The following NUMBL variants were observed in gnomAD, a reference collection of about 807,000 sequenced individuals.
NUMBL encodes numb-like protein.
A neutral mutation model predicts 48.9 loss-of-function variants in NUMBL; 20 were observed. The ratio of observed to expected loss-of-function variants is 0.41; its 90% CI spans 0.29 to 0.59. The LOEUF is 0.59. NUMBL is among the 20% of genes least tolerant of loss of function. The pLI, the probability that NUMBL is intolerant of heterozygous loss-of-function variation, is 0.31. For synonymous variants in NUMBL, 340 were observed against 348.7 expected, an observed-to-expected ratio of 0.98 and a Z score of 0.28; for missense variants, 660 against 846.2, an observed-to-expected ratio of 0.78 and a Z score of 2.73.
intron 8 of NUMBL, among the ~76,000 whole-genome samples, chr19:40,672,968 C>T (rs2081855784): frequency 6.6e-6 from 1 of 152,204 alleles, no homozygotes; most frequent in African/African-American, 2.4e-5. Context: ...TCTCTTCTTT[C>T]CCTGGCCCAT....
chr19:40,681,975 C>T (rs2081907663), intron 5 of NUMBL, among the ~76,000 whole-genome samples: 1 of 150,988 alleles, frequency 6.6e-6, no homozygotes, highest in Non-Finnish European at 1.5e-5. Flanking sequence ...GCCCAGCCCA[C>T]ATTTAAATTT....
rs543033874 is a variant in NUMBL, at chr19:40,673,992, C to A, written c.731-343G>T. 1.3e-5 allele frequency among the ~76,000 whole-genome samples: 2 copies of A among 152,146 alleles called. No individual in the cohort carries two copies. Among genetic ancestry groups the A allele is most frequent in the African/African-American group, 4.8e-5 (2 of 41,416 alleles). ...AAACACTGATTTGGTGCTGGAACAA[C>A]GTATCAGGCATTGTTCCAGATGCTT... On this transcript the variant is annotated intron_variant, in intron 7 of 9. Transcript: ENST00000252891. The surrounding 1 kb of genome is among the most constrained non-coding windows in gnomAD (Gnocchi z 5.9).
In NUMBL at chr19:40,684,528, C is replaced by A. The variant is rs1379303860; in HGVS notation, c.138G>T (p.Arg46=). The change falls in exon 3 of 10, where the codon CGG becomes CGT. Residue 46 remains arginine (R), a synonymous_variant. Coordinates refer to ENST00000252891, the MANE Select transcript of NUMBL (RefSeq NM_004756.5). Reference sequence around the variant, plus strand: ...CTGGCTTCCTCCGCCGCAGGCTCTGCCGTAACTTGTTCATGGTGCCCGCCC... The same window carrying A: ...CTGGCTTCCTCCGCCGCAGGCTCTGACGTAACTTGTTCATGGTGCCCGCCC... The part of the protein sequence containing the change: ...PDGAGTMNKL[R]QSLRRRKPAY... 1 of 1,609,560 alleles carries A rather than the reference C, an allele frequency of 6.2e-7. No homozygotes were observed. Among genetic ancestry groups the A allele is most frequent in the Non-Finnish European group, 8.5e-7 (1 of 1,177,946 alleles).
intron 7 of NUMBL, among the ~76,000 whole-genome samples, chr19:40,676,917 C>T (rs557947165): frequency 3.9e-5 from 6 of 152,034 alleles, no homozygotes; most frequent in Admixed American, 3.3e-4. Context: ...AGGGTTCCAG[C>T]GATCCTCCTG....
At chr19:40,680,802 A>T in intron 6 of NUMBL, 115 bp downstream of exon 6, 1 of 1,174,560 alleles carries the variant, frequency 8.5e-7, no homozygotes, top group South Asian at 1.4e-5. Context: ...TCTCCAGATG[A>T]GGAAACTGGG....
In NUMBL at chr19:40,682,638, G is replaced by A. The variant is rs895729733; in HGVS notation, c.399+90C>T. 3.4e-6 allele frequency: 4 copies of A among 1,192,148 alleles called. No individual in the cohort carries two copies. The highest frequency in any genetic ancestry group is 3.7e-6 in the Non-Finnish European group (3 of 820,204). The allele number at this position is 1,192,148 out of a possible 1,614,324, so 73.8% of individuals were successfully genotyped here. On this transcript the variant is annotated intron_variant, in intron 5 of 9. Transcript: ENST00000252891. This position sits in a 1 kb window ranked among gnomAD's most constrained non-coding sequence, Gnocchi z 4.0. Reference sequence around the variant, plus strand: ...TCTAGAAGGTCCCTGAGGGAGGGATGTGCAGAGGAGGCGGGAAGGTGTCCT... The same window carrying A: ...TCTAGAAGGTCCCTGAGGGAGGGATATGCAGAGGAGGCGGGAAGGTGTCCT...
chr19:40,668,282 C>T lies in NUMBL; in HGVS notation c.1160-144G>A, dbSNP rs1008886940. The T allele has an allele frequency of 3.7e-5, 52 of 1,387,778 alleles. No homozygotes were observed. In the African/African-American group the frequency reaches 3.8e-4, roughly 10 times the overall value. 86.0% of individuals were successfully genotyped at this position (1,387,778 alleles called of 1,614,324 possible). A position where few individuals can be genotyped will look rare whatever the true frequency, so the allele number is the denominator to read the frequency against. On this transcript the variant is annotated intron_variant, in intron 9 of 9. Transcript: ENST00000252891. ...CTCTGAATCCCAGCTCTGCACCTCC[C>T]GAGCTTGCTGACTTCAGGCGAGTGA... is the stretch of plus-strand genomic sequence containing the variant.
intron 6 of NUMBL, among the ~76,000 whole-genome samples, chr19:40,677,745 G>A (rs2081884952): frequency 6.6e-6 from 1 of 152,184 alleles, no homozygotes; most frequent in Admixed American, 6.6e-5. Context: ...CACTTTGGGA[G>A]GCTGAGGCGG....
Position 40,687,046 on chromosome 19 carries a change from A to C in NUMBL, c.25-51T>G. 1.7e-6 allele frequency: 2 copies of C among 1,143,638 alleles called. No homozygotes were observed. Among genetic ancestry groups the C allele is most frequent in the Non-Finnish European group, 2.4e-6 (2 of 827,190 alleles). The allele number at this position is 1,143,638 out of a possible 1,614,324, so 70.8% of individuals were successfully genotyped here. On this transcript the variant is annotated intron_variant, in intron 1 of 9. Transcript: ENST00000252891. The surrounding 1 kb of genome is among the most constrained non-coding windows in gnomAD (Gnocchi z 4.6). ...GAGAAGTTTGTCTGGGTTGGGGCTC[A>C]GTCTGATACTTCACCCCGACTTTGG...
At position 40,682,720 on chromosome 19, in the gene NUMBL, C is replaced by G. The variant is rs574942270; in HGVS notation, c.399+8G>C. The G allele has an allele frequency of 1.9e-6, 3 of 1,613,626 alleles. No homozygotes were observed. Among genetic ancestry groups the G allele is most frequent in the African/African-American group, 2.7e-5 (2 of 74,926 alleles). ...GCCCCCTGGCGTCCACCCCCACAGG[C>G]CTCCTACCTTGGTTTTGTCGTCCAC... On this transcript the variant is annotated splice_region_variant and intron_variant, in intron 5 of 9. Transcript: ENST00000252891. The surrounding 1 kb of genome is among the most constrained non-coding windows in gnomAD (Gnocchi z 4.0).
rs1555753701 is a variant in NUMBL, at chr19:40,682,988, G to GC, written c.250-21_250-20insG. The GC allele has an allele frequency of 1.9e-6, 3 of 1,608,534 alleles. No homozygotes were observed. The African/African-American group carries it at 4.0e-5, about 22-fold the overall frequency. ...CAGGTACTTGGGTTGGAGGGAATGGGGGGGGGGACATGAAACAGCACAGTA... is the reference window on the plus strand; with the variant it reads ...CAGGTACTTGGGTTGGAGGGAATGGGCGGGGGGGACATGAAACAGCACAGTA... On this transcript the variant is annotated intron_variant, in intron 3 of 9. Transcript: ENST00000252891. This position sits in a 1 kb window ranked among gnomAD's most constrained non-coding sequence, Gnocchi z 4.0.
At chr19:40,679,665 C>T (rs921053629) in intron 6 of NUMBL, among the ~76,000 whole-genome samples, 4 of 151,980 alleles carry the variant, frequency 2.6e-5, no homozygotes, top group Admixed American at 1.3e-4. Flanking sequence ...GTAACAAGAG[C>T]GAAACTCTGT....
rs1265772053 is a variant in NUMBL, at chr19:40,686,785, G to A, written c.109+126C>T. 10 of 657,800 alleles carry A rather than the reference G, an allele frequency of 1.5e-5. No homozygotes were observed. The East Asian group carries it at 2.6e-4, about 17-fold the overall frequency. The allele number at this position is 657,800 out of a possible 1,614,324, so 40.7% of individuals were successfully genotyped here. On this transcript the variant is annotated intron_variant, in intron 2 of 9. Coordinates refer to ENST00000252891, the MANE Select transcript of NUMBL (RefSeq NM_004756.5). ...TGGGGCTCTGACAGTCGCTGAGGAA[G>A]ATGCCTGAGGGTGTCCACTCATGAG...
chr19:40,674,782 G>A (rs2561547), intron 7 of NUMBL, among the ~76,000 whole-genome samples: 107,247 of 152,032 alleles, frequency 0.71, 39,427 homozygotes, highest in African/African-American at 0.93. Flanking sequence ...AAACATCTCA[G>A]TGCTACCTCC....
At chr19:40,668,221 G>T (rs2081827169) in intron 9 of NUMBL, 83 bp from the exon 10 acceptor site, 1 of 1,480,276 alleles carries the variant, frequency 6.8e-7, no homozygotes, top group East Asian at 2.4e-5. Flanking sequence ...CATGGTGTGG[G>T]GATCAGAGCA....
chr19:40,684,199 G>C, intron 3 of NUMBL: 1 of 512,334 alleles, frequency 2.0e-6, no homozygotes. Context: ...CTCCCCAGTA[G>C]CTGGGACTAC....
rs778065325 is a variant in NUMBL at position 40,667,421 on chromosome 19, C to CA, written c.*46dup. On this transcript the variant is annotated 3_prime_UTR_variant, in exon 10 of 10. Coordinates refer to ENST00000252891, the MANE Select transcript of NUMBL (RefSeq NM_004756.5). This position sits in a 1 kb window ranked among gnomAD's most constrained non-coding sequence, Gnocchi z 6.1. ...AGGGGAGAGGTTGTGCCTCCACCCC[C>CA]AGGCGTGGGGCACCTGGAGATGATG... 6.3e-7 allele frequency: 1 copy of CA among 1,584,374 alleles called. No homozygotes were observed. The highest frequency in any genetic ancestry group is 1.2e-5 in the South Asian group (1 of 86,844).
rs777753222 is a variant in NUMBL, at chr19:40,668,110, C to T, written c.1188G>A (p.Val396=). The T allele has an allele frequency of 2.5e-6, 4 of 1,602,648 alleles. No individual in the cohort carries two copies. The highest frequency in any genetic ancestry group is 3.4e-6 in the Non-Finnish European group (4 of 1,174,838). Residue 396 remains valine (V), a synonymous_variant, in exon 10 of 10, where the codon GTG becomes GTA. Transcript: ENST00000252891. The part of the protein sequence containing the change: ...TGTSAWGEPS[V]PPAAAFQPGH... ...CAGGCTGGAAGGCAGCTGCAGGGGG[C>T]ACGGAGGGCTCACCCCAGGCAGAAG...
rs1016752277 is a variant in NUMBL at position 40,677,172 on chromosome 19, CCT to C, written c.730+58_730+59del. On this transcript the variant is annotated intron_variant, in intron 7 of 9. Transcript: ENST00000252891. ...TCTGCACCTCTGCAGCTCCCTGCCCCCTGATACTGGGTACCCTGTGCCCACTC... is the reference window on the plus strand; with the variant it reads ...TCTGCACCTCTGCAGCTCCCTGCCCCGATACTGGGTACCCTGTGCCCACTC... 24 of 1,517,886 alleles carry C rather than the reference CCT, an allele frequency of 1.6e-5. No homozygotes were observed. In the Admixed American group the frequency reaches 1.6e-4, roughly 10 times the overall value. The allele number at this position is 1,517,886 out of a possible 1,614,324, so 94.0% of individuals were successfully genotyped here.
Sources: allele counts gnomAD v4.1 joint callset (sites outside exome capture counted in the v4.1 genomes callset), GRCh38; gene constraint gnomAD v4.1.1; non-coding constraint Gnocchi (gnomAD v3.1); transcripts MANE v1.5; gene names NCBI Gene and HGNC (gene_info 2026-07-23, HGNC 2026-07-21).